Variants in CDYL2 observed in about 807,000 individuals in gnomAD.
CDYL2 encodes the protein chromodomain Y-like protein 2.
A neutral mutation model predicts 49.4 loss-of-function variants in CDYL2; 23 were observed. The observed-to-expected ratio is 0.47, with a 90% CI of 0.34 to 0.66. The LOEUF (loss-of-function observed/expected upper bound fraction) is 0.66, where lower values mean the gene tolerates loss of function less well. CDYL2 is among the 30% of genes least tolerant of loss of function. The pLI is 0.01. For missense variants in CDYL2, 678 were observed against 656.4 expected (o/e 1.03, Z -0.36); for synonymous variants, 360 against 268.8 (o/e 1.34, Z -3.32).
intron 2 of CDYL2, among the ~76,000 whole-genome samples, chr16:80,642,753 G>A (rs1908158645): frequency 6.6e-6 from 1 of 152,176 alleles, no homozygotes; most frequent in African/African-American, 2.4e-5. Context: ...CAGATCTCAT[G>A]AGACTTATTC....
At chr16:80,776,839 A>G (rs1319252483) in intron 1 of CDYL2, among the ~76,000 whole-genome samples, 1 of 150,750 alleles carries the variant, frequency 6.6e-6, no homozygotes, top group Non-Finnish European at 1.5e-5. Flanking sequence ...TTTTTTGGAG[A>G]CAGAGTCTCC....
intron 1 of CDYL2, among the ~76,000 whole-genome samples, chr16:80,715,970 G>T (rs1057098058): frequency 6.6e-6 from 1 of 152,226 alleles, no homozygotes; most frequent in Non-Finnish European, 1.5e-5. Flanking sequence ...CAGCTCTGTC[G>T]CCGACCTGTG....
intron 2 of CDYL2, among the ~76,000 whole-genome samples, chr16:80,655,449 C>G (rs1470974282): frequency 6.6e-6 from 1 of 151,988 alleles, no homozygotes; most frequent in African/African-American, 2.4e-5. Flanking sequence ...GTAACTAATA[C>G]CTAAAAAAAT....
At chr16:80,643,088 C>T (rs1368605962) in intron 2 of CDYL2, among the ~76,000 whole-genome samples, 1 of 152,206 alleles carries the variant, frequency 6.6e-6, no homozygotes, top group East Asian at 1.9e-4. Context: ...AAGCTAGTTA[C>T]TTCCCAGACA....
At chr16:80,608,067 G>C in intron 6 of CDYL2, 25 bp downstream of exon 6, 3 of 1,545,290 alleles carry the variant, frequency 1.9e-6, no homozygotes, top group Non-Finnish European at 2.6e-6. Context: ...AAAAGGACAA[G>C]CACGCAGGAG....
rs966789395 is a variant in CDYL2, at chr16:80,794,598, ATTTTTTTTT to A, written c.24+9543_24+9551del. On this transcript the variant is annotated intron_variant, in intron 1 of 6. Coordinates refer to ENST00000570137, the MANE Select transcript of CDYL2 (RefSeq NM_152342.4). ...TTTTTTAATTATTACATTCCCAGTGATTTTTTTTTTTTTTTTTTTTTTTTTTTTTTGGGA... is the reference window on the plus strand; with the variant it reads ...TTTTTTAATTATTACATTCCCAGTGATTTTTTTTTTTTTTTTTTTTTGGGA... Among the ~76,000 whole-genome samples the A allele has an allele frequency of 1.0e-4, 7 of 66,824 alleles. No homozygotes were observed. In the East Asian group the frequency reaches 1.3e-3, roughly 13 times the overall value. 43.8% of individuals were successfully genotyped at this position (66,824 alleles called of 152,430 possible). A position where few individuals can be genotyped will look rare whatever the true frequency, so the allele number is the denominator to read the frequency against.
chr16:80,787,191 C>T (rs1441115945), intron 1 of CDYL2, among the ~76,000 whole-genome samples: 1 of 152,036 alleles, frequency 6.6e-6, no homozygotes, highest in Admixed American at 6.6e-5. Context: ...AGTTAAGAGA[C>T]TATTGTTTCT....
At chr16:80,771,498 G>C (rs544848976) in intron 1 of CDYL2, among the ~76,000 whole-genome samples, 1 of 152,220 alleles carries the variant, frequency 6.6e-6, no homozygotes, top group Non-Finnish European at 1.5e-5. Flanking sequence ...GTGGTCTGGA[G>C]TTTGAGACCA....
intron 1 of CDYL2, among the ~76,000 whole-genome samples, chr16:80,695,177 T>C (rs1334220784): frequency 6.6e-6 from 1 of 152,278 alleles, no homozygotes; most frequent in Admixed American, 6.5e-5. Context: ...TCCATGCATC[T>C]ATGTAATATC....
intron 1 of CDYL2, among the ~76,000 whole-genome samples, chr16:80,732,331 C>T (rs1015963842): frequency 1.3e-5 from 2 of 152,104 alleles, no homozygotes; most frequent in African/African-American, 4.8e-5. Flanking sequence ...GGTTCGGTGA[C>T]ATATGGTATG....
chr16:80,638,797 G>A (rs1485571804), intron 2 of CDYL2, among the ~76,000 whole-genome samples: 1 of 152,076 alleles, frequency 6.6e-6, no homozygotes, highest in Non-Finnish European at 1.5e-5. Flanking sequence ...AAAGAACCTA[G>A]ACACAAACTC....
At chr16:80,646,416 GA>G (rs1908348857) in intron 2 of CDYL2, among the ~76,000 whole-genome samples, 1 of 152,164 alleles carries the variant, frequency 6.6e-6, no homozygotes, top group Non-Finnish European at 1.5e-5. Flanking sequence ...AATGGCAGGA[GA>G]AAGTCTTTAC....
At chr16:80,607,815 G>A (rs181357326) in intron 6 of CDYL2, among the ~76,000 whole-genome samples, 1 of 152,264 alleles carries the variant, frequency 6.6e-6, no homozygotes, top group Admixed American at 6.5e-5. Flanking sequence ...TGGTGTTTAG[G>A]ACTTTCTTTG....
intron 1 of CDYL2, among the ~76,000 whole-genome samples, chr16:80,724,651 T>C (rs1905107810): frequency 6.6e-6 from 1 of 152,224 alleles, no homozygotes; most frequent in Non-Finnish European, 1.5e-5. Context: ...TTCACATACA[T>C]ATACACACAT....
intron 4 of CDYL2, among the ~76,000 whole-genome samples, chr16:80,618,012 G>A (rs1318657344): frequency 6.6e-6 from 1 of 152,164 alleles, no homozygotes; most frequent in Non-Finnish European, 1.5e-5. Context: ...GCTCCCTTGG[G>A]CCTCTCTGTG....
At chr16:80,636,995 T>C (rs1386371111) in intron 2 of CDYL2, among the ~76,000 whole-genome samples, 2 of 151,632 alleles carry the variant, frequency 1.3e-5, no homozygotes, top group East Asian at 1.9e-4. Flanking sequence ...TAAGTGAGAG[T>C]TGAACAATGA....
At chr16:80,609,194 C>A (rs1403402299) in intron 5 of CDYL2, among the ~76,000 whole-genome samples, 1 of 152,194 alleles carries the variant, frequency 6.6e-6, no homozygotes, top group East Asian at 1.9e-4. Flanking sequence ...AAGTCCTGCA[C>A]AGACAGAGAA....
chr16:80,664,735 GACA>G (rs2142440772), intron 2 of CDYL2, among the ~76,000 whole-genome samples: 1 of 152,228 alleles, frequency 6.6e-6, no homozygotes, highest in African/African-American at 2.4e-5. Context: ...CTCAAGCCAG[GACA>G]ACTAGATCTG....
chr16:80,775,131 C>G (rs1011485549), intron 1 of CDYL2, among the ~76,000 whole-genome samples: 2 of 151,764 alleles, frequency 1.3e-5, no homozygotes, highest in Non-Finnish European at 2.9e-5. Context: ...CATGCACAGT[C>G]CCTTTCTGAA....
Sources: gnomAD v4.1 joint callset for allele counts (sites outside exome capture counted in the v4.1 genomes callset) on GRCh38, gnomAD v4.1.1 for gene constraint, MANE v1.5 for transcripts, NCBI Gene and HGNC (gene_info 2026-07-23, HGNC 2026-07-21) for gene names.